The following REXO5 variants were observed in gnomAD, a reference collection of about 807,000 sequenced individuals.
The protein encoded by REXO5 is exonuclease NEF-sp.
In REXO5, 48 loss-of-function variants were observed where a neutral mutation model predicts 88.5. That is an observed-to-expected ratio of 0.54 (90% CI 0.43 to 0.69). The LOEUF (loss-of-function observed/expected upper bound fraction) is 0.69, where lower values mean the gene tolerates loss of function less well. REXO5 is among the 30% of genes least tolerant of loss of function. The pLI is 0.00. For missense variants in REXO5, 749 were observed against 912.2 expected (o/e 0.82, Z 2.30); for synonymous variants, 311 against 336.5 (o/e 0.92, Z 0.83).
intron 14 of REXO5, chr16:20,840,127 G>A: frequency 1.9e-6 from 1 of 531,666 alleles, no homozygotes; most frequent in Middle Eastern, 5.0e-4. Context: ...TGGCTACATA[G>A]TATTCTGCTA....
At chr16:20,828,167 C>A (rs147378307) in intron 10 of REXO5, among the ~76,000 whole-genome samples, 1 of 152,260 alleles carries the variant, frequency 6.6e-6, no homozygotes, top group Admixed American at 6.5e-5. Flanking sequence ...AGGGCCTGGC[C>A]AGGGAGTCAG....
intron 8 of REXO5, 35 bp downstream of exon 8, chr16:20,825,983 C>A: frequency 7.2e-7 from 1 of 1,381,676 alleles, no homozygotes; most frequent in Non-Finnish European, 1.0e-6. Flanking sequence ...CTTCTAAGAG[C>A]TATCGGGCTA....
At position 20,819,616 on chromosome 16, in the gene REXO5, G is replaced by A. The variant is rs367572342; in HGVS notation, c.476-2146G>A. ...ACTAAAAATACAAAATTAGCCGGGC[G>A]TGGTGGTACATGCCTGTAATCCCAG... On this transcript the variant is annotated intron_variant, in intron 5 of 19. Coordinates refer to ENST00000261377, the MANE Select transcript of REXO5 (RefSeq NM_030941.3). 9.2e-4 allele frequency among the ~76,000 whole-genome samples: 140 copies of A among 151,686 alleles called. 4 individuals are homozygous for A. In the South Asian group the frequency reaches 0.028, roughly 30 times the overall value.
intron 5 of REXO5, 78 bp downstream of exon 5, chr16:20,816,290 A>C (rs919532153): frequency 8.2e-7 from 1 of 1,225,884 alleles, no homozygotes; most frequent in African/African-American, 1.5e-5. Context: ...TTAGCACAAC[A>C]AAACTCAATT....
At chr16:20,839,024 T>C (rs2081483264) in intron 13 of REXO5, among the ~76,000 whole-genome samples, 1 of 152,204 alleles carries the variant, frequency 6.6e-6, no homozygotes, top group Non-Finnish European at 1.5e-5. Context: ...TTCTGGTCCG[T>C]ATATTGTTGT....
chr16:20,806,820 A>G, intron 1 of REXO5, 115 bp downstream of exon 1: 1 of 1,355,730 alleles, frequency 7.4e-7, no homozygotes, highest in South Asian at 1.5e-5. Flanking sequence ...ATAGTTCGGT[A>G]AACTGAATTG....
At chr16:20,826,781 G>A (rs2081265960) in intron 8 of REXO5, among the ~76,000 whole-genome samples, 1 of 152,158 alleles carries the variant, frequency 6.6e-6, no homozygotes, top group South Asian at 2.1e-4. Flanking sequence ...TAGATTCATT[G>A]TAAAGCAGCT....
chr16:20,841,760 C>A (rs868623951), intron 15 of REXO5, among the ~76,000 whole-genome samples: 1 of 152,260 alleles, frequency 6.6e-6, no homozygotes, highest in East Asian at 1.9e-4. Context: ...TATGTGCCCC[C>A]ACGCCTGGCT....
intron 13 of REXO5, among the ~76,000 whole-genome samples, chr16:20,834,651 GT>G (rs960520954): frequency 2.0e-5 from 3 of 151,764 alleles, no homozygotes; most frequent in African/African-American, 2.4e-5. Flanking sequence ...GTTTTTTCCA[GT>G]TTTTTTTCCT....
chr16:20,821,639 T>C (rs1596580586), intron 5 of REXO5, 123 bp from the exon 6 acceptor site: 3 of 871,518 alleles, frequency 3.4e-6, no homozygotes, highest in Non-Finnish European at 4.9e-6. Flanking sequence ...CCCTAAATGG[T>C]TGGGGCTGAG....
intron 10 of REXO5, 104 bp downstream of exon 10, chr16:20,827,551 CTT>C (rs1160574235): frequency 1.2e-6 from 1 of 808,984 alleles, no homozygotes; most frequent in Non-Finnish European, 2.0e-6. Context: ...TTTCTGCTCT[CTT>C]TGCTTTAAAC....
intron 12 of REXO5, 135 bp from the exon 13 acceptor site, chr16:20,832,868 T>TA (rs1420682319): frequency 1.3e-6 from 1 of 765,798 alleles, no homozygotes; most frequent in Non-Finnish European, 2.0e-6. Flanking sequence ...ACTGAATTTT[T>TA]AATTTTATTT....
intron 5 of REXO5, among the ~76,000 whole-genome samples, chr16:20,819,055 A>T (rs1418192905): frequency 6.6e-6 from 1 of 152,196 alleles, no homozygotes; most frequent in East Asian, 1.9e-4. Flanking sequence ...ATTTGCTGAG[A>T]ATAATGGCTT....
intron 4 of REXO5, 32 bp downstream of exon 4, chr16:20,815,085 A>G (rs2081061046): frequency 2.5e-6 from 4 of 1,593,820 alleles, no homozygotes. Flanking sequence ...CTAGGGGCTG[A>G]GTCTGTTTTC....
intron 15 of REXO5, among the ~76,000 whole-genome samples, chr16:20,842,267 C>T (rs1284652743): frequency 2.2e-5 from 3 of 134,538 alleles, no homozygotes; most frequent in East Asian, 3.9e-4. Context: ...ACTCTGTGTA[C>T]GTACCTCACA....
chr16:20,818,340 A>G (rs909114383), intron 5 of REXO5, among the ~76,000 whole-genome samples: 1 of 152,250 alleles, frequency 6.6e-6, no homozygotes, highest in Non-Finnish European at 1.5e-5. Context: ...AGTGCCGGCT[A>G]CATAATAAAG....
At chr16:20,843,756 T>C (rs2081564590) in intron 15 of REXO5, among the ~76,000 whole-genome samples, 178 bp from the exon 16 acceptor site, 1 of 152,268 alleles carries the variant, frequency 6.6e-6, no homozygotes, top group African/African-American at 2.4e-5. Context: ...AGCTAGTTTC[T>C]GAACTTTGAT....
chr16:20,843,346 T>G (rs1215503455), intron 15 of REXO5, among the ~76,000 whole-genome samples: 1 of 152,224 alleles, frequency 6.6e-6, no homozygotes, highest in Non-Finnish European at 1.5e-5. Flanking sequence ...CTGCTGTTAG[T>G]GTCCTTTGAT....
chr16:20,843,959 T>A lies in REXO5; in HGVS notation c.1652T>A (p.Val551Asp). ...RQPHLCIQYE[V>D]LEAAQLAIES... ...CCTCATCTCTGTATACAGTATGAAG[T>A]CCTAGAAGCTGCCCAGCTGGCCATA... The change falls in exon 16 of 20, where the codon GTC becomes GAC. Residue 551 changes from valine (V) to aspartate (D), a missense_variant. Coordinates refer to ENST00000261377, the MANE Select transcript of REXO5 (RefSeq NM_030941.3). 2.5e-6 allele frequency: 4 copies of A among 1,607,648 alleles called. No homozygotes were observed. The highest frequency in any genetic ancestry group is 3.4e-6 in the Non-Finnish European group (4 of 1,174,062).
Sources: gnomAD v4.1 joint callset for allele counts (sites outside exome capture counted in the v4.1 genomes callset) on GRCh38, gnomAD v4.1.1 for gene constraint, MANE v1.5 for transcripts, NCBI Gene and HGNC (gene_info 2026-07-23, HGNC 2026-07-21) for gene names.